Variants in BMPR1B observed in about 807,000 individuals in gnomAD.
BMPR1B encodes bone morphogenetic protein receptor type 1B, also known as bone morphogenetic protein receptor type-1B.
BMPR1B carries 12 observed loss-of-function variants against 59.1 expected under a neutral mutation model. The observed-to-expected ratio is 0.20, with a 90% CI of 0.13 to 0.33. BMPR1B has a LOEUF of 0.33. Ranked by LOEUF, BMPR1B falls within the 10% of genes least tolerant of loss-of-function variation. The pLI, the probability that BMPR1B is intolerant of heterozygous loss-of-function variation, is 1.00. For synonymous variants in BMPR1B, 237 were observed against 207.3 expected (o/e 1.14, Z -1.23); for missense variants, 550 against 610.9 (o/e 0.90, Z 1.05).
At chr4:95,148,154 C>T (rs1734776972) in intron 10 of BMPR1B, among the ~76,000 whole-genome samples, 1 of 152,172 alleles carries the variant, frequency 6.6e-6, no homozygotes, top group African/African-American at 2.4e-5. Context: ...TGTTGGTTCT[C>T]TCCTTCTCCC....
chr4:94,858,126 A>G (rs1380905815), intron 1 of BMPR1B, among the ~76,000 whole-genome samples: 1 of 143,560 alleles, frequency 7.0e-6, no homozygotes, highest in Non-Finnish European at 1.5e-5. Context: ...TTTTTTTTGT[A>G]TTTTTAGTAG....
At chr4:95,017,906 T>G (rs1181274535) in intron 3 of BMPR1B, among the ~76,000 whole-genome samples, 1 of 152,152 alleles carries the variant, frequency 6.6e-6, no homozygotes, top group Non-Finnish European at 1.5e-5. Context: ...TATGTCAACA[T>G]CAAAAAGAAA....
intron 3 of BMPR1B, among the ~76,000 whole-genome samples, chr4:95,024,581 A>T (rs1316902962): frequency 6.6e-6 from 1 of 152,176 alleles, no homozygotes; most frequent in African/African-American, 2.4e-5. Flanking sequence ...TTACTTCACC[A>T]GTTTCCTAAA....
At chr4:95,106,794 G>T (rs555358303) in intron 4 of BMPR1B, among the ~76,000 whole-genome samples, 1 of 152,102 alleles carries the variant, frequency 6.6e-6, no homozygotes, top group African/African-American at 2.4e-5. Flanking sequence ...AACCACAGTG[G>T]CTTATAATTA....
At chr4:94,940,638 A>T (rs1729475488) in intron 2 of BMPR1B, among the ~76,000 whole-genome samples, 1 of 152,162 alleles carries the variant, frequency 6.6e-6, no homozygotes, top group African/African-American at 2.4e-5. Context: ...TTTATCCATT[A>T]TTCAACTCAG....
chr4:95,144,553 T>C (rs1049257924), intron 10 of BMPR1B, among the ~76,000 whole-genome samples: 1 of 152,146 alleles, frequency 6.6e-6, no homozygotes, highest in Non-Finnish European at 1.5e-5. Flanking sequence ...GGAGAGGAAT[T>C]TATCTGACAT....
intron 1 of BMPR1B, among the ~76,000 whole-genome samples, chr4:94,847,622 C>CTG (rs56977089): frequency 0.61 from 92,673 of 151,716 alleles, 29,252 homozygotes; most frequent in African/African-American, 0.77. Flanking sequence ...AACAATGAGA[C>CTG]TGTCATTTGC....
intron 3 of BMPR1B, among the ~76,000 whole-genome samples, chr4:95,044,919 TGTTTA>T (rs1392653784): frequency 2.0e-5 from 3 of 152,288 alleles, no homozygotes; most frequent in South Asian, 4.1e-4. Flanking sequence ...AGTATGTAAG[TGTTTA>T]GTTAAAAGCC....
chr4:94,785,500 A>G (rs180942506), intron 1 of BMPR1B, among the ~76,000 whole-genome samples: 2 of 152,188 alleles, frequency 1.3e-5, no homozygotes, highest in African/African-American at 4.8e-5. Flanking sequence ...AAAGACATGT[A>G]GCTGTTGCAT....
At chr4:95,145,510 T>C in intron 10 of BMPR1B, among the ~76,000 whole-genome samples, 1 of 152,364 alleles carries the variant, frequency 6.6e-6, no homozygotes, top group African/African-American at 2.4e-5. Context: ...CATCTGACTC[T>C]ACTTCCATTC....
At chr4:94,784,933 G>A (rs1722710913) in intron 1 of BMPR1B, among the ~76,000 whole-genome samples, 1 of 152,170 alleles carries the variant, frequency 6.6e-6, no homozygotes, top group Admixed American at 6.5e-5. Flanking sequence ...AAGGCATGAT[G>A]TGCCGCATCT....
chr4:95,115,908 G>A (rs1440105860), intron 6 of BMPR1B, 121 bp downstream of exon 6: 1 of 861,046 alleles, frequency 1.2e-6, no homozygotes, highest in East Asian at 2.5e-5. Flanking sequence ...GCAGAGCACT[G>A]AGGCCAGATG....
At chr4:94,890,205 C>T (rs1727336491) in intron 2 of BMPR1B, among the ~76,000 whole-genome samples, 1 of 151,978 alleles carries the variant, frequency 6.6e-6, no homozygotes, top group Non-Finnish European at 1.5e-5. Context: ...GAGGCTTGGA[C>T]CTGAGAAGTG....
chr4:94,977,755 G>C (rs911006597), intron 2 of BMPR1B, among the ~76,000 whole-genome samples: 1 of 152,158 alleles, frequency 6.6e-6, no homozygotes, highest in South Asian at 2.1e-4. Context: ...TAGTCAGAAG[G>C]CTGAGGCAGG....
intron 3 of BMPR1B, among the ~76,000 whole-genome samples, chr4:95,088,971 G>A (rs1305282476): frequency 1.3e-5 from 2 of 152,082 alleles, no homozygotes; most frequent in East Asian, 3.8e-4. Context: ...ATACAATTTG[G>A]TAAAATGTTT....
intron 11 of BMPR1B, 47 bp from the exon 12 acceptor site, chr4:95,152,596 C>G: frequency 6.9e-7 from 1 of 1,450,928 alleles, no homozygotes; most frequent in Non-Finnish European, 9.3e-7. Flanking sequence ...ATTTCTACTT[C>G]ACAGAAAATA....
Position 94,917,213 on chromosome 4 carries a change from T to G in BMPR1B, c.-113+41313T>G, listed in dbSNP as rs1728517616. Reference sequence around the variant, plus strand: ...GTTAGGATGGTGCTGAGGGGAAATCTGAGGCTGGAGCCCCCACACAGCATT... The same window carrying G: ...GTTAGGATGGTGCTGAGGGGAAATCGGAGGCTGGAGCCCCCACACAGCATT... On this transcript the variant is annotated intron_variant, in intron 2 of 12. Transcript: ENST00000515059. Among the ~76,000 whole-genome samples, 3 of 152,216 alleles carry G rather than the reference T, an allele frequency of 2.0e-5. No individual in the cohort carries two copies. The South Asian group carries it at 6.2e-4, about 31-fold the overall frequency.
At position 95,014,326 on chromosome 4, in the gene BMPR1B, A is replaced by G. The variant is rs529780935; in HGVS notation, c.-18+18192A>G. Among the ~76,000 whole-genome samples, 9 of 152,216 alleles carry G rather than the reference A, an allele frequency of 5.9e-5. No individual in the cohort carries two copies. In the East Asian group the frequency reaches 1.3e-3, roughly 23 times the overall value. The stretch of plus-strand genomic sequence containing the variant: ...GTTAGACTATCTTATAATTCATAGA[A>G]TCCACTGAAGAATTGTAGATTCAAA... On this transcript the variant is annotated intron_variant, in intron 3 of 12. Transcript: ENST00000515059.
intron 10 of BMPR1B, among the ~76,000 whole-genome samples, chr4:95,139,319 G>T (rs894565390): frequency 1.3e-5 from 2 of 152,130 alleles, no homozygotes; most frequent in African/African-American, 4.8e-5. Context: ...GTGTCAGTCG[G>T]CCCCTACTGG....
Sources: gnomAD v4.1 joint callset for allele counts (sites outside exome capture counted in the v4.1 genomes callset) on GRCh38, gnomAD v4.1.1 for gene constraint, MANE v1.5 for transcripts, NCBI Gene and HGNC (gene_info 2026-07-23, HGNC 2026-07-21) for gene names.